The following SH3KBP1 variants were observed in gnomAD, a reference collection of about 807,000 sequenced individuals.
The protein encoded by SH3KBP1 is SH3 domain-containing kinase-binding protein 1.
In SH3KBP1, 8 loss-of-function variants were observed where a neutral mutation model predicts 50.1. That is an observed-to-expected ratio of 0.16 (90% CI 0.09 to 0.29). The LOEUF is 0.29. SH3KBP1 is among the 10% of genes least tolerant of loss of function. The pLI, the probability that SH3KBP1 is intolerant of heterozygous loss-of-function variation, is 1.00. For synonymous variants in SH3KBP1, 227 were observed against 218.6 expected, an observed-to-expected ratio of 1.04 and a Z score of -0.34; for missense variants, 377 against 535.2, an observed-to-expected ratio of 0.70 and a Z score of 2.92.
At chrX:19,847,499 G>C (rs2068395329) in intron 1 of SH3KBP1, among the ~76,000 whole-genome samples, 1 of 111,985 alleles carries the variant, frequency 8.9e-6, no homozygotes, top group Non-Finnish European at 1.9e-5. Flanking sequence ...AGGGATAAAA[G>C]CAGAAGATAA....
intron 1 of SH3KBP1, among the ~76,000 whole-genome samples, chrX:19,843,113 G>A (rs1171980772): frequency 9.9e-6 from 1 of 100,532 alleles, no homozygotes; most frequent in Non-Finnish European, 2.0e-5. Context: ...CCACCTCCCA[G>A]GTTCAAGCAA....
At chrX:19,542,726 G>A (rs1185749387) in intron 15 of SH3KBP1, among the ~76,000 whole-genome samples, 2 of 112,040 alleles carry the variant, frequency 1.8e-5, no homozygotes, top group African/African-American at 6.5e-5. Context: ...GTAGCCAGAG[G>A]AAAGGAGGGG....
chrX:19,795,606 A>G (rs2066684750), intron 2 of SH3KBP1, among the ~76,000 whole-genome samples: 1 of 111,474 alleles, frequency 9.0e-6, no homozygotes, highest in Non-Finnish European at 1.9e-5. Flanking sequence ...CTCCTTCGGC[A>G]ATTCTTAGAT....
At chrX:19,776,690 A>G (rs1471998932) in intron 2 of SH3KBP1, among the ~76,000 whole-genome samples, 1 of 107,456 alleles carries the variant, frequency 9.3e-6, no homozygotes, top group East Asian at 2.9e-4. Context: ...TGGGACCACA[A>G]GCGCACACCA....
intron 3 of SH3KBP1, among the ~76,000 whole-genome samples, chrX:19,726,573 A>G (rs2064228398): frequency 9.0e-6 from 1 of 111,543 alleles, no homozygotes; most frequent in South Asian, 3.7e-4. Context: ...CACATAATGC[A>G]AGCAAGATAC....
intron 15 of SH3KBP1, among the ~76,000 whole-genome samples, chrX:19,542,996 C>T: frequency 8.9e-6 from 1 of 112,027 alleles, no homozygotes; most frequent in Middle Eastern, 4.6e-3. Flanking sequence ...CTGGGAGAGT[C>T]TTACACAACG....
intron 16 of SH3KBP1, among the ~76,000 whole-genome samples, 171 bp downstream of exon 16, chrX:19,541,754 T>C (rs182004685): frequency 3.5e-4 from 39 of 111,422 alleles, no homozygotes; most frequent in Admixed American, 3.4e-3. Context: ...ATAATTTAGG[T>C]ATAAATTAAG....
chrX:19,748,628 G>C (rs1201756424), intron 2 of SH3KBP1, among the ~76,000 whole-genome samples: 3 of 111,971 alleles, frequency 2.7e-5, no homozygotes, highest in Non-Finnish European at 5.6e-5. Flanking sequence ...GGTGGAAGCA[G>C]GGAGGAGACA....
At chrX:19,777,334 G>T (rs188361246) in intron 2 of SH3KBP1, among the ~76,000 whole-genome samples, 4 of 110,642 alleles carry the variant, frequency 3.6e-5, no homozygotes, top group Admixed American at 2.9e-4. Context: ...CAAGAGGAGA[G>T]GAGAGGAAGT....
intron 9 of SH3KBP1, among the ~76,000 whole-genome samples, chrX:19,595,365 C>T (rs895785961): frequency 2.7e-5 from 3 of 112,406 alleles, no homozygotes; most frequent in Non-Finnish European, 5.6e-5. Flanking sequence ...AATAACCATG[C>T]ATTCGAAAAG....
intron 2 of SH3KBP1, among the ~76,000 whole-genome samples, chrX:19,793,312 A>AT (rs1380469564): frequency 4.5e-4 from 44 of 98,532 alleles, no homozygotes; most frequent in Admixed American, 2.8e-3. Flanking sequence ...AAGGAAAAAA[A>AT]AATATATATA....
chrX:19,666,849 T>C (rs954492191), intron 6 of SH3KBP1, among the ~76,000 whole-genome samples: 19 of 111,921 alleles, frequency 1.7e-4, no homozygotes, highest in African/African-American at 6.2e-4. Context: ...CTTCTGGAGA[T>C]ATATCTAAAA....
At chrX:19,811,641 T>C (rs1305797476) in intron 2 of SH3KBP1, among the ~76,000 whole-genome samples, 1 of 112,308 alleles carries the variant, frequency 8.9e-6, no homozygotes, top group Non-Finnish European at 1.9e-5. Context: ...TTAATGTTAA[T>C]TTACTTTTTC....
At chrX:19,621,016 T>TG (rs199824590) in intron 8 of SH3KBP1, among the ~76,000 whole-genome samples, 2 of 99,295 alleles carry the variant, frequency 2.0e-5, no homozygotes, top group Admixed American at 1.0e-4. Flanking sequence ...AGGTTGGTTT[T>TG]TTTTTTTTTT....
chrX:19,774,098 G>A (rs1320599322), intron 2 of SH3KBP1, among the ~76,000 whole-genome samples: 1 of 110,350 alleles, frequency 9.1e-6, no homozygotes, highest in Non-Finnish European at 1.9e-5. Flanking sequence ...GAACTCAGTA[G>A]CTGCCCTGTC....
At chrX:19,650,560 A>G (rs2062099689) in intron 6 of SH3KBP1, among the ~76,000 whole-genome samples, 1 of 112,085 alleles carries the variant, frequency 8.9e-6, no homozygotes, top group Non-Finnish European at 1.9e-5. Context: ...ACAATTCAAG[A>G]TGAGATTTGG....
At chrX:19,738,713 AAAAG>A (rs1246712016) in intron 3 of SH3KBP1, among the ~76,000 whole-genome samples, 120 of 107,515 alleles carry the variant, frequency 1.1e-3, no homozygotes, top group Admixed American at 1.8e-3. Context: ...AAAAAAAAAA[AAAAG>A]AAGTCAGACT....
Position 19,649,380 on chromosome X carries a change from T to C in SH3KBP1, c.727-3905A>G, listed in dbSNP as rs762242513. Among the ~76,000 whole-genome samples the C allele has an allele frequency of 9.0e-5, 10 of 111,418 alleles. No individual in the cohort carries two copies. The South Asian group carries it at 3.4e-3, about 38-fold the overall frequency. Reference sequence around the variant, plus strand: ...TTTCCTCTTCCTTCTGTGAGGCAGCTGAAGACTTCCCAGTACACACACCCA... The same window carrying C: ...TTTCCTCTTCCTTCTGTGAGGCAGCCGAAGACTTCCCAGTACACACACCCA... On this transcript the variant is annotated intron_variant, in intron 6 of 17. Transcript: ENST00000397821.
At chrX:19,595,126 A>G (rs1378995041) in intron 9 of SH3KBP1, 126 bp from the exon 10 acceptor site, 10 of 512,203 alleles carry the variant, frequency 2.0e-5, no homozygotes, top group Non-Finnish European at 2.8e-5. Context: ...AAAAAAATTG[A>G]GCAATTCTCT....
Sources: allele counts gnomAD v4.1 joint callset (sites outside exome capture counted in the v4.1 genomes callset), GRCh38; gene constraint gnomAD v4.1.1; transcripts MANE v1.5; gene names NCBI Gene and HGNC (gene_info 2026-07-23, HGNC 2026-07-21).